The following COL7A1 variants were observed in gnomAD, a reference collection of about 807,000 sequenced individuals.
The protein encoded by COL7A1 is collagen type VII alpha 1 chain, also known as collagen alpha-1(VII) chain.
Under a neutral mutation model 456.2 loss-of-function variants are expected in COL7A1, and 296 were observed. That is an observed-to-expected ratio of 0.65 (90% CI 0.59 to 0.71). The LOEUF is 0.71. Among genes scored for constraint, COL7A1 ranks in the 30% least tolerant of loss-of-function variants. The probability of loss-of-function intolerance (pLI) is 0.00; values close to 1 mark genes in which losing one functional copy is unlikely to be tolerated. For synonymous variants in COL7A1, 1,464 were observed against 1,525.9 expected (o/e 0.96, Z 0.95); for missense variants, 3,441 against 4,017.2 (o/e 0.86, Z 3.88).
At position 48,588,937 on chromosome 3, in the gene COL7A1, A is replaced by G; in HGVS notation, c.2373T>C (p.Val791=). The part of the protein sequence containing the change: ...RLQILNASSD[V]LRITWVGVTG... ...TGACCCCTACCCAGGTGATCCGTAG[A>G]ACGTCGCTGGAAGCATTGAGGATCT... is the stretch of plus-strand genomic sequence containing the variant. Residue 791 remains valine, a synonymous_variant, in exon 19 of 119, where the codon GTT becomes GTC. Transcript: ENST00000681320. This position sits in a 1 kb window ranked among gnomAD's most constrained non-coding sequence, Gnocchi z 4.6. 1 of 1,613,634 alleles carries G rather than the reference A, an allele frequency of 6.2e-7. No individual in the cohort carries two copies. The highest frequency in any genetic ancestry group is 8.5e-7 in the Non-Finnish European group (1 of 1,180,032).
chr3:48,567,264 G>T lies in COL7A1; in HGVS notation c.8047-74C>A. On this transcript the variant is annotated intron_variant, in intron 109 of 118. Coordinates refer to ENST00000681320, the MANE Select transcript of COL7A1 (RefSeq NM_000094.4). The surrounding 1 kb of genome is among the most constrained non-coding windows in gnomAD (Gnocchi z 4.3). ...CTCTGGAACCTCCCTGAACTCCCAT[G>T]AGCTCCCTGGCCTAATGCCCAAACC... is the stretch of plus-strand genomic sequence containing the variant. 6.4e-7 allele frequency: 1 copy of T among 1,571,776 alleles called. No homozygotes were observed. The highest frequency in any genetic ancestry group is 8.7e-7 in the Non-Finnish European group (1 of 1,147,146).
Position 48,565,558 on chromosome 3 carries a change from C to A in COL7A1, c.8441-62G>T. ...CACCATGGGCAGCCATCCCAGCCAA[C>A]CCCCCTGAGAGGACCCCAGTTGATA... On this transcript the variant is annotated intron_variant, in intron 115 of 118. Transcript: ENST00000681320. This position sits in a 1 kb window ranked among gnomAD's most constrained non-coding sequence, Gnocchi z 4.5. 6.2e-7 allele frequency: 1 copy of A among 1,613,830 alleles called. No individual in the cohort carries two copies.
rs745591383 is a variant in COL7A1 at position 48,591,996 on chromosome 3, G to A, written c.1259C>T (p.Thr420Ile). 3 of 1,614,222 alleles carry A rather than the reference G, an allele frequency of 1.9e-6. No homozygotes were observed. Among genetic ancestry groups the A allele is most frequent in the Non-Finnish European group, 2.5e-6 (3 of 1,180,044 alleles). ...GGGGCCCAGGATGACCGGGCGCAGGGTCTGCTCAACAGAAGCGTCTGCCCA... is the reference window on the plus strand; with the variant it reads ...GGGGCCCAGGATGACCGGGCGCAGGATCTGCTCAACAGAAGCGTCTGCCCA... Reference protein sequence around the residue: ...MARTDASVEQTLRPVILGPTS... With the variant: ...MARTDASVEQILRPVILGPTS... The change falls in exon 11 of 119, where the codon ACC (threonine) becomes ATC (isoleucine). Residue 420 changes from threonine to isoleucine, a missense_variant. Thr to Ile is a moderately conservative substitution (Grantham distance 89, BLOSUM62 -1). Around this residue, in one of 3 missense-constraint regions of COL7A1, gnomAD observed 913 missense variants for 1,088.2 expected, o/e 0.84. Transcript: ENST00000681320. The surrounding 1 kb of genome is among the most constrained non-coding windows in gnomAD (Gnocchi z 7.0).
At position 48,586,036 on chromosome 3, in the gene COL7A1, T is replaced by C. The variant is rs762039567; in HGVS notation, c.3723+38A>G. ...CTACCAAGAACCCCCAGACCCCTTA[T>C]ATTCTACCACCCAGTCCCCCAGAGG... On this transcript the variant is annotated intron_variant, in intron 28 of 118. Transcript: ENST00000681320. This position sits in a 1 kb window ranked among gnomAD's most constrained non-coding sequence, Gnocchi z 5.1. 1.4e-5 allele frequency: 22 copies of C among 1,613,520 alleles called. No individual in the cohort carries two copies. In the South Asian group the frequency reaches 1.9e-4, roughly 14 times the overall value.
In COL7A1 at chr3:48,595,102, G is replaced by A. The variant is rs886039562; in HGVS notation, c.58C>T (p.Arg20Ter). Residue 20 changes from arginine (R) to a stop codon, truncating the protein, a stop_gained, in exon 2 of 119, where the codon CGA (arginine) becomes TGA (stop). Transcript: ENST00000681320. LOFTEE classifies it high-confidence loss of function. ...CTCTCCCTGTGCTGGGCTCGCACTC[G>A]GGGCGCCTCTGCCAGGATCCCGGCG... ...LCAGILAEAP[R>*]VRAQHRERVT... is the part of the protein sequence containing the mutation. The A allele has an allele frequency of 1.9e-6, 3 of 1,553,542 alleles. No homozygotes were observed. The highest frequency in any genetic ancestry group is 1.7e-6 in the Non-Finnish European group (2 of 1,148,770).
chr3:48,565,442 G>C lies in COL7A1; in HGVS notation c.8495C>G (p.Pro2832Arg). The change falls in exon 116 of 119, where the codon CCT becomes CGT. Residue 2832 changes from proline (P) to arginine (R), a missense_variant. This residue lies in a region of COL7A1 where 2,084 missense variants were observed against 2,501.3 expected (regional missense o/e 0.83). Coordinates refer to ENST00000681320, the MANE Select transcript of COL7A1 (RefSeq NM_000094.4). The surrounding 1 kb of genome is among the most constrained non-coding windows in gnomAD (Gnocchi z 4.5). ...DTAGSQLHAV[P>R]VLRVSHAEEE... ...CTCTGCATGAGAGACGCGGAGCACA[G>C]GCACAGCATGGAGCTGGGAGCCGGC... The C allele has an allele frequency of 6.2e-7, 1 of 1,612,940 alleles. No individual in the cohort carries two copies. Among genetic ancestry groups the C allele is most frequent in the Non-Finnish European group, 8.5e-7 (1 of 1,179,524 alleles).
chr3:48,570,239 TGAAG>T lies in COL7A1; in HGVS notation c.7440+32_7440+35del. On this transcript the variant is annotated intron_variant, in intron 98 of 118. Transcript: ENST00000681320. The surrounding 1 kb of genome is among the most constrained non-coding windows in gnomAD (Gnocchi z 5.5). ...TGGAAATCAGAGGCAAGAGCTGGGATGAAGGGAGTTCGGCTGTGGAGTAAGACAT... is the reference window on the plus strand; with the variant it reads ...TGGAAATCAGAGGCAAGAGCTGGGATGGAGTTCGGCTGTGGAGTAAGACAT... The T allele has an allele frequency of 1.2e-6, 2 of 1,613,900 alleles. No individual in the cohort carries two copies. The highest frequency in any genetic ancestry group is 1.7e-6 in the Non-Finnish European group (2 of 1,179,940).
In COL7A1 at chr3:48,571,025, C is replaced by T; in HGVS notation, c.7165-57G>A. 2 of 1,611,604 alleles carry T rather than the reference C, an allele frequency of 1.2e-6. No individual in the cohort carries two copies. The highest frequency in any genetic ancestry group is 1.7e-6 in the Non-Finnish European group (2 of 1,178,016). Reference sequence around the variant, plus strand: ...TCAATGCAGGACCCCTCCCAGGACTCTCATCAGAACTCCCTCTTCCTCCTG... The same window carrying T: ...TCAATGCAGGACCCCTCCCAGGACTTTCATCAGAACTCCCTCTTCCTCCTG... On this transcript the variant is annotated intron_variant, in intron 94 of 118. Coordinates refer to ENST00000681320, the MANE Select transcript of COL7A1 (RefSeq NM_000094.4). This position sits in a 1 kb window ranked among gnomAD's most constrained non-coding sequence, Gnocchi z 4.6.
intron 2 of COL7A1, 23 bp downstream of exon 2, chr3:48,595,052 G>T: frequency 6.5e-7 from 1 of 1,537,862 alleles, no homozygotes; most frequent in South Asian, 1.2e-5. Context: ...GCCCCGGGCC[G>T]GGTCCTCCCT....
Position 48,580,034 on chromosome 3 carries a change from C to A in COL7A1, c.5121G>T (p.Arg1707=). 1 of 1,613,988 alleles carries A rather than the reference C, an allele frequency of 6.2e-7. No individual in the cohort carries two copies. The highest frequency in any genetic ancestry group is 8.5e-7 in the Non-Finnish European group (1 of 1,179,970). Residue 1707 remains arginine, a synonymous_variant, in exon 57 of 119, where the codon CGG becomes CGT. Transcript: ENST00000681320. The surrounding 1 kb of genome is among the most constrained non-coding windows in gnomAD (Gnocchi z 4.5). ...GEPGPPGPPG[R]LVDTGPGARE... ...CCAGACCCAGCGCAGCCCTTACCAG[C>A]CGTCCCGGGGGTCCTGGGGGACCCT...
At position 48,583,508 on chromosome 3, in the gene COL7A1, G is replaced by C. The variant is rs372346203; in HGVS notation, c.4401+48C>G. On this transcript the variant is annotated intron_variant, in intron 41 of 118. Transcript: ENST00000681320. The surrounding 1 kb of genome is among the most constrained non-coding windows in gnomAD (Gnocchi z 5.1). ...GCAGTGGTTGATGATTGAGGTAGGG[G>C]CTGGAGCTGTGCCCACCATATTCAG... 54 of 1,613,298 alleles carry C rather than the reference G, an allele frequency of 3.3e-5. No homozygotes were observed. The highest frequency in any genetic ancestry group is 4.5e-5 in the Non-Finnish European group (53 of 1,179,500).
chr3:48,577,129 T>A (rs2044366764), intron 65 of COL7A1, 102 bp from the exon 66 acceptor site: 1 of 1,471,218 alleles, frequency 6.8e-7, no homozygotes, highest in Admixed American at 1.7e-5. Context: ...TTTCTGTGCC[T>A]GTAGCTCCAT....
chr3:48,582,355 C>T lies in COL7A1; in HGVS notation c.4603G>A (p.Glu1535Lys), dbSNP rs1487476449. 1 of 1,613,904 alleles carries T rather than the reference C, an allele frequency of 6.2e-7. No homozygotes were observed. The highest frequency in any genetic ancestry group is 1.3e-5 in the African/African-American group (1 of 74,910). The change falls in exon 47 of 119, where the codon GAG becomes AAG. Residue 1535 changes from glutamate to lysine, a missense_variant. Around this residue, in one of 3 missense-constraint regions of COL7A1, gnomAD observed 2,084 missense variants for 2,501.3 expected, o/e 0.83. Coordinates refer to ENST00000681320, the MANE Select transcript of COL7A1 (RefSeq NM_000094.4). The part of the protein sequence containing the change: ...GPTGRQGEKG[E>K]PGRPGDPAVV... ...GCAGGGTCCCCAGGGCGACCAGGCT[C>T]CCCCTGTGGAGAGAGGATAGGAGCA...
In COL7A1 at chr3:48,586,922, G is replaced by T. The variant is rs1222569611; in HGVS notation, c.3276+50C>A. On this transcript the variant is annotated intron_variant, in intron 25 of 118. Transcript: ENST00000681320. The surrounding 1 kb of genome is among the most constrained non-coding windows in gnomAD (Gnocchi z 5.1). ...GGAGATGGTAACTGGTATGGAGCCT[G>T]GGTGGGGGGCCTCAGGGAGAGGTAG... 6.4e-7 allele frequency: 1 copy of T among 1,560,430 alleles called. No individual in the cohort carries two copies. Among genetic ancestry groups the T allele is most frequent in the Admixed American group, 1.9e-5 (1 of 51,638 alleles).
At chr3:48,582,416 C>T in intron 46 of COL7A1, 58 bp from the exon 47 acceptor site, 2 of 1,614,114 alleles carry the variant, frequency 1.2e-6, no homozygotes, top group East Asian at 4.5e-5. Context: ...AGCCCAAAAT[C>T]CCAGTGTCCC....
rs368959634 is a variant in COL7A1, at chr3:48,593,347, G to A, written c.520+9C>T. 46 of 1,613,908 alleles carry A rather than the reference G, an allele frequency of 2.9e-5. No homozygotes were observed. In the African/African-American group the frequency reaches 4.3e-4, roughly 15 times the overall value. ...CCCAGCTGACCTGTCACTCCTGCTC[G>A]GTCCTTACCCACAGCAAATAGCTTG... On this transcript the variant is annotated intron_variant, in intron 5 of 118. Transcript: ENST00000681320. This position sits in a 1 kb window ranked among gnomAD's most constrained non-coding sequence, Gnocchi z 4.4.
At position 48,571,446 on chromosome 3, in the gene COL7A1, A is replaced by G. The variant is rs2043912500; in HGVS notation, c.7069-168T>C. On this transcript the variant is annotated intron_variant, in intron 92 of 118. Transcript: ENST00000681320. This position sits in a 1 kb window ranked among gnomAD's most constrained non-coding sequence, Gnocchi z 4.6. The stretch of plus-strand genomic sequence containing the variant: ...AGGAGCTCAGACATGACCATGGCCT[A>G]TCTCAGGACAGCACAGACAGAGGGA... 1.2e-6 allele frequency: 1 copy of G among 809,802 alleles called. No homozygotes were observed. The highest frequency in any genetic ancestry group is 2.1e-6 in the Non-Finnish European group (1 of 470,354). 50.2% of individuals were successfully genotyped at this position (809,802 alleles called of 1,614,324 possible). A position where few individuals can be genotyped will look rare whatever the true frequency, so the allele number is the denominator to read the frequency against.
rs1336934949 is a variant in COL7A1 at position 48,591,595 on chromosome 3, G to T, written c.1508-3C>A. On this transcript the variant is annotated splice_polypyrimidine_tract_variant and splice_region_variant and intron_variant, in intron 12 of 118. Transcript: ENST00000681320. This position sits in a 1 kb window ranked among gnomAD's most constrained non-coding sequence, Gnocchi z 7.0. ...AGGGCTCACAGGCAGCTCTGGTCCTGTTGGAGAGCACAGCATAGAGGCAGC... is the reference window on the plus strand; with the variant it reads ...AGGGCTCACAGGCAGCTCTGGTCCTTTTGGAGAGCACAGCATAGAGGCAGC... The T allele has an allele frequency of 6.2e-7, 1 of 1,613,630 alleles. No individual in the cohort carries two copies. The highest frequency in any genetic ancestry group is 1.1e-5 in the South Asian group (1 of 91,090).
In COL7A1 at chr3:48,587,658, G is replaced by A; in HGVS notation, c.2858-104C>T. On this transcript the variant is annotated intron_variant, in intron 22 of 118. Coordinates refer to ENST00000681320, the MANE Select transcript of COL7A1 (RefSeq NM_000094.4). This position sits in a 1 kb window ranked among gnomAD's most constrained non-coding sequence, Gnocchi z 6.1. ...CGGTTTGTCTTATTGAAGCATCATG[G>A]GAGGTCATGCTGGGGTCACCCAGGG... 1.2e-6 allele frequency: 2 copies of A among 1,602,432 alleles called. No homozygotes were observed. The highest frequency in any genetic ancestry group is 2.2e-5 in the East Asian group (1 of 44,822).
Sources: gnomAD v4.1 joint callset for allele counts on GRCh38, gnomAD v4.1.1 for gene constraint, gnomAD v4.1.1 regional missense constraint, Gnocchi (gnomAD v3.1) non-coding constraint, MANE v1.5 for transcripts, NCBI Gene and HGNC (gene_info 2026-07-23, HGNC 2026-07-21) for gene names.